Variants in ATP9B observed in about 807,000 individuals in gnomAD.
ATP9B encodes ATPase phospholipid transporting 9B, also known as probable phospholipid-transporting ATPase IIB.
Under a neutral mutation model 146.1 loss-of-function variants are expected in ATP9B, and 110 were observed. The ratio of observed to expected loss-of-function variants is 0.75; its 90% CI spans 0.65 to 0.88. The LOEUF (loss-of-function observed/expected upper bound fraction) is 0.88. Ranked by LOEUF, ATP9B falls within the 40% of genes least tolerant of loss-of-function variation. The pLI, the probability that ATP9B is intolerant of heterozygous loss-of-function variation, is 0.00. For synonymous variants in ATP9B, 604 were observed against 569.7 expected (o/e 1.06, Z -0.86); for missense variants, 1,499 against 1,496.4 (o/e 1.00, Z -0.03).
chr18:79,297,112 A>T (rs534017487), intron 13 of ATP9B, among the ~76,000 whole-genome samples: 2 of 150,700 alleles, frequency 1.3e-5, no homozygotes, highest in East Asian at 3.9e-4. Context: ...GAGAAGACAC[A>T]GACGACCCAG....
intron 19 of ATP9B, 30 bp downstream of exon 19, chr18:79,337,479 G>C: frequency 3.1e-6 from 5 of 1,590,254 alleles, no homozygotes; most frequent in Non-Finnish European, 4.3e-6. Flanking sequence ...GCTGGCGCGC[G>C]CTGCTTTTGC....
chr18:79,107,257 T>C (rs2075714083), intron 2 of ATP9B, among the ~76,000 whole-genome samples: 1 of 152,234 alleles, frequency 6.6e-6, no homozygotes, highest in Non-Finnish European at 1.5e-5. Flanking sequence ...ATTCTCCATC[T>C]GGGATGTCCA....
In ATP9B at chr18:79,257,205, C is replaced by G. The variant is rs563059211; in HGVS notation, c.1268+3664C>G. ...ATCCCACCTACTTGAGAGGCTGAGG[C>G]AGGAGAATCACTTGAACCCAGGAGG... is the stretch of plus-strand genomic sequence containing the variant. On this transcript the variant is annotated intron_variant, in intron 12 of 29. Coordinates refer to ENST00000426216, the MANE Select transcript of ATP9B (RefSeq NM_198531.5). Among the ~76,000 whole-genome samples the G allele has an allele frequency of 2.0e-5, 3 of 152,290 alleles. No individual in the cohort carries two copies. In the South Asian group the frequency reaches 6.2e-4, roughly 32 times the overall value.
At chr18:79,226,293 G>A (rs2095733651) in intron 11 of ATP9B, among the ~76,000 whole-genome samples, 1 of 152,254 alleles carries the variant, frequency 6.6e-6, no homozygotes, top group South Asian at 2.1e-4. Flanking sequence ...TTCCACGGGT[G>A]CTTTGCTCCT....
intron 1 of ATP9B, among the ~76,000 whole-genome samples, chr18:79,076,440 C>T (rs1289994199): frequency 6.6e-6 from 1 of 152,308 alleles, no homozygotes; most frequent in East Asian, 1.9e-4. Flanking sequence ...TCGGAGTTGA[C>T]AGTTCTTTTC....
intron 13 of ATP9B, among the ~76,000 whole-genome samples, chr18:79,296,979 T>A (rs1467985774): frequency 1.4e-4 from 13 of 94,988 alleles, no homozygotes; most frequent in South Asian, 3.5e-4. Flanking sequence ...GACAGAGAGA[T>A]GACCCAGAGA....
chr18:79,256,286 T>TATATATACAC (rs398033647), intron 12 of ATP9B, among the ~76,000 whole-genome samples: 6 of 123,072 alleles, frequency 4.9e-5, no homozygotes, highest in African/African-American at 1.9e-4. Context: ...TATATATATA[T>TATATATACAC]ACATACATAG....
intron 15 of ATP9B, among the ~76,000 whole-genome samples, chr18:79,326,855 G>A (rs536032777): frequency 1.3e-5 from 2 of 151,708 alleles, no homozygotes; most frequent in African/African-American, 2.4e-5. Context: ...TCCTCCTGGT[G>A]GCCTCCCTGT....
At chr18:79,316,876 A>G (rs2096683370) in intron 15 of ATP9B, among the ~76,000 whole-genome samples, 1 of 152,240 alleles carries the variant, frequency 6.6e-6, no homozygotes, top group South Asian at 2.1e-4. Flanking sequence ...ATTATTGGCA[A>G]AACATAGTAA....
At chr18:79,316,308 G>A (rs2096679605) in intron 15 of ATP9B, among the ~76,000 whole-genome samples, 1 of 152,088 alleles carries the variant, frequency 6.6e-6, no homozygotes, top group Non-Finnish European at 1.5e-5. Context: ...AGAGAAAACA[G>A]GGAAAAATGT....
chr18:79,266,046 G>C (rs1599412761), intron 12 of ATP9B, among the ~76,000 whole-genome samples: 1 of 152,136 alleles, frequency 6.6e-6, no homozygotes, highest in Non-Finnish European at 1.5e-5. Context: ...TCAGATGGTT[G>C]TAAGTGTGCA....
intron 23 of ATP9B, among the ~76,000 whole-genome samples, chr18:79,346,770 C>T (rs907922162): frequency 2.6e-5 from 4 of 152,118 alleles, no homozygotes; most frequent in Admixed American, 6.5e-5. Flanking sequence ...CATGCTTGGT[C>T]GGCACAGTCA....
intron 11 of ATP9B, among the ~76,000 whole-genome samples, chr18:79,218,924 C>T (rs745760373): frequency 1.3e-5 from 2 of 152,116 alleles, no homozygotes; most frequent in Admixed American, 6.5e-5. Context: ...GCAACAGCCA[C>T]GAACAAGATT....
intron 15 of ATP9B, among the ~76,000 whole-genome samples, chr18:79,326,287 CTG>C: frequency 6.8e-4 from 1 of 1,480 alleles, no homozygotes. Flanking sequence ...GGTGTCATCT[CTG>C]TACCCTCCCT....
At chr18:79,185,611 A>G (rs1000917054) in intron 8 of ATP9B, among the ~76,000 whole-genome samples, 8 of 152,222 alleles carry the variant, frequency 5.3e-5, no homozygotes, top group African/African-American at 1.7e-4. Flanking sequence ...AATCAATTTT[A>G]TATTTTAGCT....
rs1006850428 is a variant in ATP9B, at chr18:79,207,632, G to A, written c.1030+620G>A. On this transcript the variant is annotated intron_variant, in intron 10 of 29. Coordinates refer to ENST00000426216, the MANE Select transcript of ATP9B (RefSeq NM_198531.5). ...CTGGTGCCAGTAATGGGGCTTAGCA[G>A]CAGGGAGCTCTGGAAGAGAGTGCCC... Among the ~76,000 whole-genome samples the A allele has an allele frequency of 2.2e-4, 34 of 152,088 alleles. 1 individual carries two copies. The highest frequency in any genetic ancestry group is 2.0e-3 in the Admixed American group (31 of 15,264).
chr18:79,375,691 C>G, intron 29 of ATP9B: 2 of 985,346 alleles, frequency 2.0e-6, no homozygotes, highest in Non-Finnish European at 2.4e-6. Flanking sequence ...GCATGAGCCC[C>G]TAAAACATAT....
intron 1 of ATP9B, among the ~76,000 whole-genome samples, chr18:79,079,434 G>A (rs934340681): frequency 5.3e-5 from 8 of 152,140 alleles, no homozygotes; most frequent in African/African-American, 1.4e-4. Flanking sequence ...TTTGTCGGCC[G>A]CATAAATGTC....
In ATP9B at chr18:79,126,367, C is replaced by T; in HGVS notation, c.659C>T (p.Thr220Ile). ...EVNSQLYSKL[T>I]VRGKVQVKSS... is the part of the protein sequence containing the mutation. The stretch of plus-strand genomic sequence containing the variant: ...AATTCACAACTATATAGCAAGCTTA[C>T]AGTAAGAGGTCAGCAAGATGCTTTA... Residue 220 changes from threonine to isoleucine, a missense_variant, in exon 5 of 30, where the codon ACA becomes ATA. By Grantham distance (89) the Thr-to-Ile change is moderately conservative (BLOSUM62 -1). Coordinates refer to ENST00000426216, the MANE Select transcript of ATP9B (RefSeq NM_198531.5). 6.2e-7 allele frequency: 1 copy of T among 1,608,056 alleles called. No homozygotes were observed.
Sources: allele counts gnomAD v4.1 joint callset (sites outside exome capture counted in the v4.1 genomes callset), GRCh38; gene constraint gnomAD v4.1.1; transcripts MANE v1.5; gene names NCBI Gene and HGNC (gene_info 2026-07-23, HGNC 2026-07-21).